TMC3: variants seen among roughly 807,000 people sequenced by gnomAD.
The protein encoded by TMC3 is transmembrane channel-like protein 3.
TMC3 carries 98 observed loss-of-function variants against 110.6 expected under a neutral mutation model. The observed-to-expected ratio is 0.89, with a 90% CI of 0.75 to 1.05. The LOEUF is 1.05. Among genes scored for constraint, TMC3 ranks in the 50% least tolerant of loss-of-function variants. The probability of loss-of-function intolerance (pLI) is 0.00; values close to 1 mark genes in which losing one functional copy is unlikely to be tolerated. For missense variants in TMC3, 1,319 were observed against 1,373.2 expected, an observed-to-expected ratio of 0.96 and a Z score of 0.62; for synonymous variants, 489 against 513.1, an observed-to-expected ratio of 0.95 and a Z score of 0.63.
chr15:81,360,675 C>T (rs970428793), intron 4 of TMC3, among the ~76,000 whole-genome samples: 4 of 151,632 alleles, frequency 2.6e-5, no homozygotes, highest in African/African-American at 9.7e-5. Context: ...CTGAGTCTAT[C>T]CCACCAGCAG....
Position 81,336,546 on chromosome 15 carries a change from C to T in TMC3, c.2203+63G>A, listed in dbSNP as rs112025204. 86 of 1,534,078 alleles carry T rather than the reference C, an allele frequency of 5.6e-5. 1 individual carries two copies. Among genetic ancestry groups the T allele is most frequent in the African/African-American group, 5.3e-4 (39 of 73,398 alleles). On this transcript the variant is annotated intron_variant, in intron 20 of 21. Transcript: ENST00000359440. Reference sequence around the variant, plus strand: ...TCACACCACTGCACTCCAGCCTGGGCGACAGAGCAAGACTCTGCCTCAAAA... The same window carrying T: ...TCACACCACTGCACTCCAGCCTGGGTGACAGAGCAAGACTCTGCCTCAAAA...
intron 20 of TMC3, chr15:81,335,712 G>T (rs1386894638): frequency 6.6e-6 from 1 of 152,402 alleles, no homozygotes; most frequent in African/African-American, 2.4e-5. Flanking sequence ...TCTCATTCAT[G>T]TAGGCTGTGC....
chr15:81,335,951 T>C (rs887838195), intron 20 of TMC3: 1 of 152,346 alleles, frequency 6.6e-6, no homozygotes, highest in Non-Finnish European at 1.5e-5. Flanking sequence ...AGATGGGCCA[T>C]GGAGAGGAAG....
intron 20 of TMC3, chr15:81,335,916 C>T (rs1229603502): frequency 1.3e-5 from 2 of 152,274 alleles, no homozygotes; most frequent in African/African-American, 4.8e-5. Flanking sequence ...AGGGAAGGGA[C>T]CTGGGAGGGA....
intron 19 of TMC3, 134 bp from the exon 20 acceptor site, chr15:81,336,785 C>A (rs894313347): frequency 1.1e-6 from 1 of 881,266 alleles, no homozygotes; most frequent in East Asian, 2.5e-5. Flanking sequence ...ACTATTGCCC[C>A]CTATGGACGG....
intron 9 of TMC3, among the ~76,000 whole-genome samples, chr15:81,353,964 G>A (rs1894005103): frequency 6.6e-6 from 1 of 152,238 alleles, no homozygotes; most frequent in African/African-American, 2.4e-5. Flanking sequence ...TGAGATGGGA[G>A]ACACAGGGCT....
Position 81,346,416 on chromosome 15 carries a change from G to C in TMC3, c.1221C>G (p.Leu407=). 1.9e-6 allele frequency: 3 copies of C among 1,613,686 alleles called. No individual in the cohort carries two copies. Among genetic ancestry groups the C allele is most frequent in the Non-Finnish European group, 2.5e-6 (3 of 1,179,794 alleles). ...CCAGGAGAGCAATGATCAGGCTGTA[G>C]AGATTTCCCAAATACAGCACAAGGA... ...ARVLVLYLGN[L]YSLIIALLDK... The change falls in exon 12 of 22, where the codon CTC becomes CTG. Residue 407 remains leucine (L), a synonymous_variant. Coordinates refer to ENST00000359440, the MANE Select transcript of TMC3 (RefSeq NM_001080532.3).
Position 81,339,576 on chromosome 15 carries a change from A to T in TMC3, c.1845-72T>A, listed in dbSNP as rs1025495863. 2.6e-6 allele frequency: 3 copies of T among 1,166,898 alleles called. No individual in the cohort carries two copies. The African/African-American group carries it at 4.6e-5, about 18-fold the overall frequency. 72.3% of individuals were successfully genotyped at this position (1,166,898 alleles called of 1,614,324 possible). Reference sequence around the variant, plus strand: ...TTGCCAGGGTTGCATATGCCCAAAGAGCTGCCACAGAAACGGTTGCCCTGA... The same window carrying T: ...TTGCCAGGGTTGCATATGCCCAAAGTGCTGCCACAGAAACGGTTGCCCTGA... On this transcript the variant is annotated intron_variant, in intron 16 of 21. Transcript: ENST00000359440.
chr15:81,345,681 G>A (rs2141701573), intron 12 of TMC3, among the ~76,000 whole-genome samples: 1 of 152,078 alleles, frequency 6.6e-6, no homozygotes, highest in Non-Finnish European at 1.5e-5. Flanking sequence ...ACCAGCCTGA[G>A]CAACATGGTG....
chr15:81,347,217 A>T (rs1893845908), intron 11 of TMC3, among the ~76,000 whole-genome samples: 1 of 152,252 alleles, frequency 6.6e-6, no homozygotes, highest in African/African-American at 2.4e-5. Context: ...CTTCAGTGAG[A>T]CAACACTTAG....
At chr15:81,355,697 A>G in intron 9 of TMC3, 28 bp downstream of exon 9, 1 of 1,498,396 alleles carries the variant, frequency 6.7e-7, no homozygotes, top group Non-Finnish European at 9.2e-7. Context: ...TTATCAATGA[A>G]TTCAGCATGG....
intron 6 of TMC3, 40 bp downstream of exon 6, chr15:81,358,362 C>T (rs991479419): frequency 2.1e-5 from 33 of 1,602,352 alleles, no homozygotes; most frequent in Non-Finnish European, 2.6e-5. Flanking sequence ...CCATTCACCC[C>T]TTCCCTCAAG....
chr15:81,348,640 C>A (rs1007818956), intron 11 of TMC3, among the ~76,000 whole-genome samples: 4 of 152,204 alleles, frequency 2.6e-5, no homozygotes, highest in African/African-American at 9.6e-5. Flanking sequence ...CTACAAGGAA[C>A]TCTTTGAGTC....
At chr15:81,368,900 C>A (rs1894374865) in intron 2 of TMC3, among the ~76,000 whole-genome samples, 1 of 128,420 alleles carries the variant, frequency 7.8e-6, no homozygotes, top group African/African-American at 3.6e-5. Context: ...ATGTTCAGTC[C>A]TGAAAATGGA....
intron 2 of TMC3, among the ~76,000 whole-genome samples, chr15:81,369,341 A>G (rs1894384730): frequency 6.6e-6 from 1 of 151,854 alleles, no homozygotes; most frequent in Non-Finnish European, 1.5e-5. Context: ...TCTTCCTACC[A>G]TTGCAACGTC....
At chr15:81,361,327 A>C (rs1010658570) in intron 4 of TMC3, among the ~76,000 whole-genome samples, 1 of 152,190 alleles carries the variant, frequency 6.6e-6, no homozygotes, top group African/African-American at 2.4e-5. Flanking sequence ...CAATTGTTCC[A>C]GTGATATTTA....
Position 81,348,992 on chromosome 15 carries a change from T to A in TMC3, c.1193+466A>T, listed in dbSNP as rs189178069. On this transcript the variant is annotated intron_variant, in intron 11 of 21. Transcript: ENST00000359440. The stretch of plus-strand genomic sequence containing the variant: ...CACGCCCAGCTATTTTTTAATTTTT[T>A]AAATTTTTTTTTATTTTTAGTAGAG... Among the ~76,000 whole-genome samples, 566 of 152,190 alleles carry A rather than the reference T, an allele frequency of 3.7e-3. 7 individuals carry two copies. The highest frequency in any genetic ancestry group is 0.012 in the African/African-American group (492 of 41,516).
rs1894494391 is a variant in TMC3 at position 81,373,994 on chromosome 15, C to G, written c.84G>C (p.Leu28=). ...GATGAATGGGGCCAGCTCACCTGAGCAGCAGAGATTCCTGGTAGAGGTAGC... is the reference window on the plus strand; with the variant it reads ...GATGAATGGGGCCAGCTCACCTGAGGAGCAGAGATTCCTGGTAGAGGTAGC... ...SQCYLYQESL[L]LSNLDDSFSA... The change falls in exon 1 of 22, where the codon CTG becomes CTC. Residue 28 remains leucine, a synonymous_variant. Coordinates refer to ENST00000359440, the MANE Select transcript of TMC3 (RefSeq NM_001080532.3). The G allele has an allele frequency of 6.2e-7, 1 of 1,613,376 alleles. No individual in the cohort carries two copies. The highest frequency in any genetic ancestry group is 2.2e-5 in the East Asian group (1 of 44,854).
intron 5 of TMC3, 117 bp downstream of exon 5, chr15:81,359,248 T>A: frequency 1.3e-6 from 1 of 788,708 alleles, no homozygotes; most frequent in Non-Finnish European, 2.0e-6. Flanking sequence ...TGCCAAGCCC[T>A]GCTTTACACA....
Sources: allele counts gnomAD v4.1 joint callset (sites outside exome capture counted in the v4.1 genomes callset), GRCh38; gene constraint gnomAD v4.1.1; transcripts MANE v1.5; gene names NCBI Gene and HGNC (gene_info 2026-07-23, HGNC 2026-07-21).